Variants in NFIA observed in about 807,000 individuals in gnomAD.
NFIA encodes the protein nuclear factor I A.
In NFIA, 8 loss-of-function variants were observed where a neutral mutation model predicts 62.8. The observed-to-expected ratio is 0.13, with a 90% CI of 0.07 to 0.23. The LOEUF (loss-of-function observed/expected upper bound fraction) is 0.23. Ranked by LOEUF, NFIA falls within the 10% of genes least tolerant of loss-of-function variation. The pLI, the probability that NFIA is intolerant of heterozygous loss-of-function variation, is 1.00. For missense variants in NFIA, 410 were observed against 642.1 expected, an observed-to-expected ratio of 0.64 and a Z score of 3.91; for synonymous variants, 235 against 238.1, an observed-to-expected ratio of 0.99 and a Z score of 0.12.
chr1:61,330,221 G>T (rs2100388327), intron 3 of NFIA, among the ~76,000 whole-genome samples: 1 of 152,286 alleles, frequency 6.6e-6, no homozygotes, highest in African/African-American at 2.4e-5. Flanking sequence ...GAACCCAGGA[G>T]ATAGATCTCA....
At chr1:61,280,213 G>T (rs1658049257) in intron 3 of NFIA, among the ~76,000 whole-genome samples, 1 of 152,198 alleles carries the variant, frequency 6.6e-6, no homozygotes, top group South Asian at 2.1e-4. Context: ...GTATTTACAT[G>T]CATTAGATAA....
rs1668530544 is a variant in NFIA at position 61,461,531 on chromosome 1, C to G, written c.*6211C>G. ...CAGCACCCATCTGCCTTTTATTCCC[C>G]AAAGAGTTACCTTTCCCAGATTAGG... is the stretch of plus-strand genomic sequence containing the variant. On this transcript the variant is annotated 3_prime_UTR_variant, in exon 11 of 11. Transcript: ENST00000403491. 6.6e-6 allele frequency: 1 copy of G among 151,952 alleles called. No homozygotes were observed. The allele number at this position is 151,952 out of a possible 1,614,324, so 9.4% of individuals were successfully genotyped here. A position where few individuals can be genotyped will look rare whatever the true frequency, so the allele number is the denominator to read the frequency against.
At chr1:61,222,687 T>C (rs1444176426) in intron 2 of NFIA, among the ~76,000 whole-genome samples, 2 of 152,100 alleles carry the variant, frequency 1.3e-5, no homozygotes, top group African/African-American at 4.8e-5. Context: ...AAATAATGCT[T>C]TATAGAACTT....
chr1:61,096,627 A>T (rs1646420864), intron 2 of NFIA, among the ~76,000 whole-genome samples: 1 of 134,118 alleles, frequency 7.5e-6, no homozygotes, highest in African/African-American at 2.9e-5. Context: ...ATCTTGGCTC[A>T]CTGCAACCTC....
At chr1:61,165,196 CTA>C (rs1486496280) in intron 2 of NFIA, among the ~76,000 whole-genome samples, 1 of 152,092 alleles carries the variant, frequency 6.6e-6, no homozygotes, top group African/African-American at 2.4e-5. Context: ...ATGAATTACT[CTA>C]TTTTTTAAAA....
chr1:61,103,466 C>G (rs940244925), intron 2 of NFIA, among the ~76,000 whole-genome samples: 1 of 152,160 alleles, frequency 6.6e-6, no homozygotes, highest in South Asian at 2.1e-4. Flanking sequence ...TTGCCATTAG[C>G]ACTTCCTTTA....
chr1:61,215,020 C>T (rs1653523379), intron 2 of NFIA, among the ~76,000 whole-genome samples: 1 of 150,866 alleles, frequency 6.6e-6, no homozygotes, highest in Non-Finnish European at 1.5e-5. Flanking sequence ...TTCATAGTAC[C>T]ACTTCTTCAA....
chr1:61,271,540 A>G (rs974234700), intron 2 of NFIA, among the ~76,000 whole-genome samples: 1 of 152,182 alleles, frequency 6.6e-6, no homozygotes, highest in African/African-American at 2.4e-5. Context: ...GGAGTGACTA[A>G]GGGGTGGATC....
chr1:61,139,409 G>A (rs1206064263), intron 2 of NFIA, among the ~76,000 whole-genome samples: 2 of 152,132 alleles, frequency 1.3e-5, no homozygotes, highest in East Asian at 1.9e-4. Context: ...TGGTGCAGCC[G>A]AGCAAATGGG....
intron 2 of NFIA, among the ~76,000 whole-genome samples, chr1:61,114,267 T>C (rs996834729): frequency 2.6e-5 from 4 of 151,290 alleles, no homozygotes; most frequent in Non-Finnish European, 5.9e-5. Flanking sequence ...GAAAGACCTA[T>C]GTAGAAAAAA....
At chr1:61,394,451 G>A (rs926177667) in intron 7 of NFIA, among the ~76,000 whole-genome samples, 1 of 152,202 alleles carries the variant, frequency 6.6e-6, no homozygotes, top group African/African-American at 2.4e-5. Flanking sequence ...GGGATTACAG[G>A]CGTGAGCCAC....
intron 2 of NFIA, among the ~76,000 whole-genome samples, chr1:61,117,704 G>A (rs188788361): frequency 6.6e-6 from 1 of 152,272 alleles, no homozygotes; most frequent in East Asian, 1.9e-4. Context: ...TGTCCTGACA[G>A]ACTGCAGTTT....
At chr1:61,393,269 C>T (rs1235632698) in intron 7 of NFIA, among the ~76,000 whole-genome samples, 1 of 85,258 alleles carries the variant, frequency 1.2e-5, no homozygotes, top group Non-Finnish European at 2.0e-5. Context: ...CTCTCTCTCT[C>T]TCTCTCTCTC....
chr1:61,160,522 C>T (rs1040809684), intron 2 of NFIA, among the ~76,000 whole-genome samples: 1 of 152,208 alleles, frequency 6.6e-6, no homozygotes, highest in Non-Finnish European at 1.5e-5. Flanking sequence ...ACTTTCCCAT[C>T]TCCCAGGTAG....
chr1:61,191,967 TG>T (rs1185281418), intron 2 of NFIA, among the ~76,000 whole-genome samples: 2 of 77,434 alleles, frequency 2.6e-5, no homozygotes, highest in Non-Finnish European at 4.3e-5. Context: ...TTTTGTTTTT[TG>T]TTTTTTTTTG....
At chr1:61,264,835 C>A (rs187373837) in intron 2 of NFIA, among the ~76,000 whole-genome samples, 69 of 152,128 alleles carry the variant, frequency 4.5e-4, no homozygotes, top group African/African-American at 1.6e-3. Flanking sequence ...CCCAGTGTAA[C>A]TACAGACAAG....
chr1:61,290,013 C>CTTT (rs34503737), intron 3 of NFIA, among the ~76,000 whole-genome samples: 4,954 of 140,664 alleles, frequency 0.035, 316 homozygotes, highest in African/African-American at 0.12. Flanking sequence ...TTTTAAGTTT[C>CTTT]TTTTTTTTTT....
At chr1:61,202,718 T>G (rs886956309) in intron 2 of NFIA, among the ~76,000 whole-genome samples, 1 of 152,224 alleles carries the variant, frequency 6.6e-6, no homozygotes, top group African/African-American at 2.4e-5. Flanking sequence ...CCTTATGTTT[T>G]ATTTATAAAA....
chr1:61,138,024 C>T lies in NFIA; in HGVS notation c.559+49344C>T, dbSNP rs572097909. ...GAGAAAAGTGATTATGGTAACTTTT[C>T]CCTTCAGAGAAGTCAAGAGCAAGAG... On this transcript the variant is annotated intron_variant, in intron 2 of 10. Transcript: ENST00000403491. 4.6e-5 allele frequency among the ~76,000 whole-genome samples: 7 copies of T among 151,040 alleles called. No individual in the cohort carries two copies. The South Asian group carries it at 1.3e-3, about 27-fold the overall frequency.
Sources: allele counts gnomAD v4.1 joint callset (sites outside exome capture counted in the v4.1 genomes callset), GRCh38; gene constraint gnomAD v4.1.1; transcripts MANE v1.5; gene names NCBI Gene and HGNC (gene_info 2026-07-23, HGNC 2026-07-21).